ADAMTS3: variants seen among roughly 807,000 people sequenced by gnomAD.
The protein encoded by ADAMTS3 is ADAM metallopeptidase with thrombospondin type 1 motif 3.
Under a neutral mutation model 129.0 loss-of-function variants are expected in ADAMTS3, and 73 were observed. The observed-to-expected ratio is 0.57, with a 90% CI of 0.47 to 0.69. The LOEUF (loss-of-function observed/expected upper bound fraction) is 0.69, where lower values mean the gene tolerates loss of function less well. ADAMTS3 is among the 30% of genes least tolerant of loss of function. The pLI is 0.00. For missense variants in ADAMTS3, 1,457 were observed against 1,514.5 expected (o/e 0.96, Z 0.63); for synonymous variants, 477 against 510.8 (o/e 0.93, Z 0.89).
chr4:72,479,474 G>A (rs1241757965), intron 3 of ADAMTS3, among the ~76,000 whole-genome samples: 1 of 152,150 alleles, frequency 6.6e-6, no homozygotes, highest in East Asian at 1.9e-4. Flanking sequence ...ATGGTGCTGG[G>A]AAAACTGGCT....
At chr4:72,466,140 T>C (rs989827682) in intron 3 of ADAMTS3, among the ~76,000 whole-genome samples, 1 of 152,022 alleles carries the variant, frequency 6.6e-6, no homozygotes, top group African/African-American at 2.4e-5. Context: ...GAAAGGTTGG[T>C]TGGGTCCTTC....
intron 10 of ADAMTS3, among the ~76,000 whole-genome samples, 196 bp downstream of exon 10, chr4:72,318,376 T>C (rs1229623048): frequency 6.6e-6 from 1 of 152,160 alleles, no homozygotes; most frequent in Non-Finnish European, 1.5e-5. Context: ...ACATCAGCTC[T>C]CTGCTAGTCT....
intron 3 of ADAMTS3, among the ~76,000 whole-genome samples, chr4:72,520,688 GT>G (rs1044744252): frequency 6.6e-6 from 1 of 152,194 alleles, no homozygotes; most frequent in Non-Finnish European, 1.5e-5. Context: ...TCCTAAGCCT[GT>G]CAGAAAAGCA....
intron 21 of ADAMTS3, among the ~76,000 whole-genome samples, chr4:72,286,373 A>G (rs1718506202): frequency 6.6e-6 from 1 of 152,224 alleles, no homozygotes; most frequent in South Asian, 2.1e-4. Context: ...ACATATGTCA[A>G]TACTTTCCAA....
chr4:72,530,784 A>G (rs1379905567), intron 3 of ADAMTS3, among the ~76,000 whole-genome samples: 35 of 97,246 alleles, frequency 3.6e-4, no homozygotes, highest in Admixed American at 9.8e-4. Context: ...ATATTATATT[A>G]TACATTATAT....
chr4:72,313,972 T>A, intron 11 of ADAMTS3, 150 bp from the exon 12 acceptor site: 2 of 805,296 alleles, frequency 2.5e-6, no homozygotes, highest in Non-Finnish European at 3.9e-6. Flanking sequence ...AGCAATTATG[T>A]CATTAATATA....
chr4:72,312,004 C>T (rs143500721), intron 13 of ADAMTS3: 3 of 333,544 alleles, frequency 9.0e-6, no homozygotes, highest in Non-Finnish European at 1.6e-5. Flanking sequence ...AGAGGGATTT[C>T]GGTTGAATCA....
intron 4 of ADAMTS3, among the ~76,000 whole-genome samples, chr4:72,397,016 G>C (rs1376995860): frequency 6.6e-6 from 1 of 151,994 alleles, no homozygotes; most frequent in Non-Finnish European, 1.5e-5. Flanking sequence ...CATTGGAGTT[G>C]ACACATTTCA....
rs1307399370 is a variant in ADAMTS3 at position 72,548,582 on chromosome 4, A to G, written c.400T>C (p.Tyr134His). 6.2e-7 allele frequency: 1 copy of G among 1,613,998 alleles called. No homozygotes were observed. Among genetic ancestry groups the G allele is most frequent in the East Asian group, 2.2e-5 (1 of 44,866 alleles). The change falls in exon 3 of 22, where the codon TAT (tyrosine) becomes CAT (histidine). Residue 134 changes from tyrosine (Y) to histidine (H), a missense_variant. Tyr to His is a moderately conservative substitution (Grantham distance 83). Coordinates refer to ENST00000286657, the MANE Select transcript of ADAMTS3 (RefSeq NM_014243.3). ...AAAGGCTCTGTTCTCCGGATTCTAT[A>G]CGTAGCACTTCCTGGTTGATGGTTG... ...INNHQPGSAT[Y>H]RIRRTEPLQT...
At chr4:72,473,722 G>C (rs1719146424) in intron 3 of ADAMTS3, among the ~76,000 whole-genome samples, 1 of 152,154 alleles carries the variant, frequency 6.6e-6, no homozygotes, top group Non-Finnish European at 1.5e-5. Flanking sequence ...TTGGTAACCA[G>C]CACTTCCCTA....
At chr4:72,450,698 C>T (rs1310067530) in intron 3 of ADAMTS3, among the ~76,000 whole-genome samples, 1 of 151,280 alleles carries the variant, frequency 6.6e-6, no homozygotes, top group Non-Finnish European at 1.5e-5. Flanking sequence ...AAAGTGTAGA[C>T]TCCATGAAGC....
intron 9 of ADAMTS3, among the ~76,000 whole-genome samples, chr4:72,318,915 A>G (rs951790372): frequency 6.6e-6 from 1 of 152,198 alleles, no homozygotes; most frequent in East Asian, 1.9e-4. Flanking sequence ...TAAACCAAGC[A>G]TGACTTAGGA....
chr4:72,534,143 C>T (rs981166079), intron 3 of ADAMTS3, among the ~76,000 whole-genome samples: 67 of 152,072 alleles, frequency 4.4e-4, no homozygotes, highest in African/African-American at 1.3e-3. Flanking sequence ...CTGGCTAACA[C>T]GGTGAAAACC....
At chr4:72,513,528 A>C (rs1720371419) in intron 3 of ADAMTS3, among the ~76,000 whole-genome samples, 1 of 152,126 alleles carries the variant, frequency 6.6e-6, no homozygotes, top group African/African-American at 2.4e-5. Context: ...TCTGATCAGA[A>C]GACTCTTGTT....
intron 4 of ADAMTS3, among the ~76,000 whole-genome samples, chr4:72,360,535 G>GTTTTTT (rs10650390): frequency 1.7e-4 from 25 of 151,388 alleles, no homozygotes; most frequent in African/African-American, 5.8e-4. Context: ...GTAATGAATG[G>GTTTTTT]TTTTTTTTGA....
chr4:72,373,275 G>A (rs565073792), intron 4 of ADAMTS3, among the ~76,000 whole-genome samples: 29 of 152,206 alleles, frequency 1.9e-4, no homozygotes, highest in African/African-American at 6.7e-4. Context: ...AAGAGACGGA[G>A]TCCAGAACAG....
chr4:72,398,215 G>A (rs1024630947), intron 4 of ADAMTS3, among the ~76,000 whole-genome samples: 1 of 151,992 alleles, frequency 6.6e-6, no homozygotes, highest in African/African-American at 2.4e-5. Context: ...GATAAAGGGT[G>A]CAAAACAAAA....
chr4:72,415,579 G>T (rs1342152275), intron 3 of ADAMTS3, among the ~76,000 whole-genome samples: 1 of 151,738 alleles, frequency 6.6e-6, no homozygotes, highest in East Asian at 1.9e-4. Flanking sequence ...CTAACTTTAT[G>T]ATTTAAATTA....
chr4:72,442,367 G>T (rs2109961440), intron 3 of ADAMTS3, among the ~76,000 whole-genome samples: 1 of 151,914 alleles, frequency 6.6e-6, no homozygotes, highest in Non-Finnish European at 1.5e-5. Flanking sequence ...GCACAGCTTT[G>T]TCATCTGCTT....
Sources: allele counts gnomAD v4.1 joint callset (sites outside exome capture counted in the v4.1 genomes callset), GRCh38; gene constraint gnomAD v4.1.1; transcripts MANE v1.5; gene names NCBI Gene and HGNC (gene_info 2026-07-23, HGNC 2026-07-21).